Variants in GPAT4 observed in about 807,000 individuals in gnomAD.
GPAT4 encodes the protein 1-AGP acyltransferase 6.
A neutral mutation model predicts 58.0 loss-of-function variants in GPAT4; 17 were observed. That is an observed-to-expected ratio of 0.29 (90% CI 0.20 to 0.44). The LOEUF (loss-of-function observed/expected upper bound fraction) is 0.44, where lower values mean the gene tolerates loss of function less well. GPAT4 is among the 20% of genes least tolerant of loss of function. The probability of loss-of-function intolerance (pLI) is 1.00; values close to 1 mark genes in which losing one functional copy is unlikely to be tolerated. For missense variants in GPAT4, 377 were observed against 574.5 expected (o/e 0.66, Z 3.51); for synonymous variants, 204 against 210.1 (o/e 0.97, Z 0.25).
chr8:41,616,497 G>A (rs907046202), intron 10 of GPAT4, among the ~76,000 whole-genome samples: 8 of 152,226 alleles, frequency 5.3e-5, no homozygotes, highest in Admixed American at 2.0e-4. Context: ...GTTTCCCCGC[G>A]TTGCTCAGAC....
At chr8:41,596,371 A>G (rs538332491) in intron 1 of GPAT4, among the ~76,000 whole-genome samples, 1 of 152,358 alleles carries the variant, frequency 6.6e-6, no homozygotes, top group Non-Finnish European at 1.5e-5. Flanking sequence ...AAGCCAGGTC[A>G]AAACCAAAGT....
chr8:41,604,649 A>G (rs530067310), intron 2 of GPAT4, among the ~76,000 whole-genome samples: 1 of 152,338 alleles, frequency 6.6e-6, no homozygotes, highest in African/African-American at 2.4e-5. Context: ...ATGAGAACAA[A>G]TGATGTGAAA....
rs775009661 is a variant in GPAT4 at position 41,612,229 on chromosome 8, C to A, written c.751C>A (p.Pro251Thr). 6.2e-7 allele frequency: 1 copy of A among 1,614,272 alleles called. No individual in the cohort carries two copies. The highest frequency in any genetic ancestry group is 8.5e-7 in the Non-Finnish European group (1 of 1,180,056). ...CATCTGTGTGGCCAATCATACCTCA[C>A]CGATCGATGTGATCATCTTGGCCAG... ...GGICVANHTS[P>T]IDVIILASDG... is the part of the protein sequence containing the mutation. The change falls in exon 7 of 13, where the codon CCG becomes ACG. Residue 251 changes from proline to threonine, a missense_variant. By Grantham distance (38) the Pro-to-Thr change is conservative (BLOSUM62 -1). Coordinates refer to ENST00000396987, the MANE Select transcript of GPAT4 (RefSeq NM_178819.4).
In GPAT4 at chr8:41,611,957, G is replaced by A. The variant is rs968847169; in HGVS notation, c.666G>A (p.Val222=). The change falls in exon 6 of 13, where the codon GTG becomes GTA. Residue 222 remains valine (V), a synonymous_variant. Transcript: ENST00000396987. ...HVHLMCYRIC[V]RALTAIITYH... is the part of the protein sequence containing the mutation. ...ACTTAATGTGTTACCGGATCTGCGT[G>A]CGAGCGCTGACAGCCATCATCACCT... is the stretch of plus-strand genomic sequence containing the variant. 5.6e-6 allele frequency: 9 copies of A among 1,614,048 alleles called. No homozygotes were observed. The Admixed American group carries it at 1.2e-4, about 21-fold the overall frequency.
chr8:41,618,601 G>T, intron 10 of GPAT4, 83 bp from the exon 11 acceptor site: 1 of 1,543,680 alleles, frequency 6.5e-7, no homozygotes. Context: ...CGGCCCAGTG[G>T]AGTCACTCAC....
At chr8:41,596,993 A>G (rs1802952093) in intron 1 of GPAT4, among the ~76,000 whole-genome samples, 1 of 152,168 alleles carries the variant, frequency 6.6e-6, no homozygotes, top group Non-Finnish European at 1.5e-5. Context: ...TGCACCGGTA[A>G]TCAGAATGGA....
rs113520462 is a variant in GPAT4, at chr8:41,582,674, A to AGAGTGT, written c.-849+4397_-849+4398insAGTGTG. ...TCCACAAGGGGAGGGAGAGAGAGAGAGTGTGTGTGTGTGTGTGTGTGGGTG... is the reference window on the plus strand; with the variant it reads ...TCCACAAGGGGAGGGAGAGAGAGAGAGAGTGTGTGTGTGTGTGTGTGTGTGTGGGTG... On this transcript the variant is annotated intron_variant, in intron 1 of 12. Transcript: ENST00000396987. Among the ~76,000 whole-genome samples, 330 of 142,590 alleles carry AGAGTGT rather than the reference A, an allele frequency of 2.3e-3. 4 individuals are homozygous for AGAGTGT. Among genetic ancestry groups the AGAGTGT allele is most frequent in the South Asian group, 0.015 (68 of 4,428 alleles). The allele number at this position is 142,590 out of a possible 152,430, so 93.5% of individuals were successfully genotyped here. A position where few individuals can be genotyped will look rare whatever the true frequency, so the allele number is the denominator to read the frequency against.
intron 2 of GPAT4, among the ~76,000 whole-genome samples, chr8:41,605,660 C>T (rs1218174814): frequency 1.3e-5 from 2 of 152,124 alleles, no homozygotes; most frequent in South Asian, 2.1e-4. Flanking sequence ...CTGCAACCTT[C>T]GCCTCCTGGG....
chr8:41,618,665 A>C lies in GPAT4; in HGVS notation c.1054-19A>C. ...TGAGAACTACTCATGTCTTACCTCCAGCTTTCCATTGTTTTCAGTATGACC... is the reference window on the plus strand; with the variant it reads ...TGAGAACTACTCATGTCTTACCTCCCGCTTTCCATTGTTTTCAGTATGACC... On this transcript the variant is annotated intron_variant, in intron 10 of 12. Coordinates refer to ENST00000396987, the MANE Select transcript of GPAT4 (RefSeq NM_178819.4). 6.2e-7 allele frequency: 1 copy of C among 1,613,516 alleles called. No homozygotes were observed. The highest frequency in any genetic ancestry group is 8.5e-7 in the Non-Finnish European group (1 of 1,179,832).
chr8:41,621,141 TCGCCGAGCCGCAG>T lies in GPAT4; in HGVS notation c.*143_*155del. The T allele has an allele frequency of 8.0e-7, 1 of 1,256,856 alleles. No individual in the cohort carries two copies. The highest frequency in any genetic ancestry group is 1.1e-6 in the Non-Finnish European group (1 of 923,530). 77.9% of individuals were successfully genotyped at this position (1,256,856 alleles called of 1,614,324 possible). A position where few individuals can be genotyped will look rare whatever the true frequency, so the allele number is the denominator to read the frequency against. ...GCTCTGGATCCCAGGACTCCGGCTT[TCGCCGAGCCGCAG>T]CGGGATCCCTGTGCACCCGGCGCAG... On this transcript the variant is annotated 3_prime_UTR_variant, in exon 13 of 13. Transcript: ENST00000396987.
intron 1 of GPAT4, among the ~76,000 whole-genome samples, chr8:41,580,003 G>A (rs887961511): frequency 2.6e-5 from 4 of 152,134 alleles, no homozygotes; most frequent in African/African-American, 9.7e-5. Flanking sequence ...TCTGCCTCGA[G>A]GCTGCGGTTC....
intron 1 of GPAT4, among the ~76,000 whole-genome samples, chr8:41,590,622 C>T (rs1000085147): frequency 6.6e-6 from 1 of 152,194 alleles, no homozygotes; most frequent in Non-Finnish European, 1.5e-5. Flanking sequence ...TGCTCCTTAG[C>T]GCAGTGCTGG....
intron 8 of GPAT4, among the ~76,000 whole-genome samples, chr8:41,613,814 G>A (rs1015754602): frequency 7.2e-5 from 11 of 152,180 alleles, no homozygotes; most frequent in African/African-American, 2.4e-4. Flanking sequence ...TACTTGGGAG[G>A]CTGACGTGGG....
chr8:41,590,380 G>A (rs572337415), intron 1 of GPAT4, among the ~76,000 whole-genome samples: 4 of 152,220 alleles, frequency 2.6e-5, no homozygotes, highest in Admixed American at 6.5e-5. Flanking sequence ...CACTGTGCCC[G>A]GCCAGTGCTA....
In GPAT4 at chr8:41,610,220, T is replaced by C. The variant is rs1263122651; in HGVS notation, c.536+265T>C. 4 of 1,333,008 alleles carry C rather than the reference T, an allele frequency of 3.0e-6. No individual in the cohort carries two copies. In the East Asian group the frequency reaches 9.4e-5, roughly 31 times the overall value. The allele number at this position is 1,333,008 out of a possible 1,614,324, so 82.6% of individuals were successfully genotyped here. ...CAGCAAACACAGGGACAGGGAACAT[T>C]GTGTGCTTTCTGCCACTCCTTCCTG... On this transcript the variant is annotated intron_variant, in intron 4 of 12. Coordinates refer to ENST00000396987, the MANE Select transcript of GPAT4 (RefSeq NM_178819.4).
At chr8:41,611,698 G>T (rs1051969512) in intron 5 of GPAT4, among the ~76,000 whole-genome samples, 8 of 152,162 alleles carry the variant, frequency 5.3e-5, no homozygotes, top group South Asian at 2.1e-4. Flanking sequence ...GATTTGGGTG[G>T]ATGTAAGTGA....
In GPAT4 at chr8:41,599,392, T is replaced by C. The variant is rs1585660468; in HGVS notation, c.165+88T>C. The C allele has an allele frequency of 3.4e-6, 5 of 1,451,318 alleles. No homozygotes were observed. The South Asian group carries it at 3.8e-5, about 11-fold the overall frequency. 89.9% of individuals were successfully genotyped at this position (1,451,318 alleles called of 1,614,324 possible). On this transcript the variant is annotated intron_variant, in intron 2 of 12. Coordinates refer to ENST00000396987, the MANE Select transcript of GPAT4 (RefSeq NM_178819.4). ...GTTATTCTTACAGGCCTATTATCTC[T>C]TTATTAGATAGGGAGAAAGTTGGGA...
At chr8:41,612,814 C>A in intron 7 of GPAT4, 31 bp from the exon 8 acceptor site, 1 of 1,581,880 alleles carries the variant, frequency 6.3e-7, no homozygotes, top group Non-Finnish European at 8.6e-7. Flanking sequence ...AAGATGGCTT[C>A]ACTACTAATG....
At chr8:41,600,854 A>G (rs557268076) in intron 2 of GPAT4, among the ~76,000 whole-genome samples, 2 of 152,258 alleles carry the variant, frequency 1.3e-5, no homozygotes, top group East Asian at 3.9e-4. Context: ...CATACCAAAT[A>G]TGCCCTTTTG....
Sources: allele counts gnomAD v4.1 joint callset (sites outside exome capture counted in the v4.1 genomes callset), GRCh38; gene constraint gnomAD v4.1.1; transcripts MANE v1.5; gene names NCBI Gene and HGNC (gene_info 2026-07-23, HGNC 2026-07-21).